PARM1: variants seen among roughly 807,000 people sequenced by gnomAD.
PARM1 encodes the protein prostate androgen-regulated mucin-like protein 1.
A neutral mutation model predicts 24.6 loss-of-function variants in PARM1; 14 were observed. That is an observed-to-expected ratio of 0.57 (90% CI 0.38 to 0.89). The LOEUF (loss-of-function observed/expected upper bound fraction) is 0.89, where lower values mean the gene tolerates loss of function less well. PARM1 is among the 40% of genes least tolerant of loss of function. The pLI is 0.00. For synonymous variants in PARM1, 179 were observed against 156.6 expected (o/e 1.14, Z -1.07); for missense variants, 362 against 380.4 (o/e 0.95, Z 0.40).
Position 75,040,877 on chromosome 4 carries a change from G to A in PARM1, c.849-5286G>A, listed in dbSNP as rs150586564. 2.8e-3 allele frequency among the ~76,000 whole-genome samples: 422 copies of A among 152,068 alleles called. 2 individuals carry two copies. The highest frequency in any genetic ancestry group is 7.8e-3 in the Admixed American group (119 of 15,264). ...TCCCTCTGTCTACACGGTATCCCTC[G>A]GTTATCCACATGGCTCATCCGTCAT... is the stretch of plus-strand genomic sequence containing the variant. On this transcript the variant is annotated intron_variant, in intron 3 of 3. Transcript: ENST00000307428.
At chr4:75,034,846 C>T (rs1189752464) in intron 3 of PARM1, 1 of 152,448 alleles carries the variant, frequency 6.6e-6, no homozygotes, top group Non-Finnish European at 1.5e-5. Flanking sequence ...CCTGTCATTC[C>T]CTTCCTGAAA....
Position 75,048,799 on chromosome 4 carries a change from C to G in PARM1, c.*2552C>G, listed in dbSNP as rs911495455. The stretch of plus-strand genomic sequence containing the variant: ...AGAGCAGATATATTCAGCAAGGTGA[C>G]AGCTTCCCATAACAATTCTAACACT... On this transcript the variant is annotated 3_prime_UTR_variant, in exon 4 of 4. Transcript: ENST00000307428. 6.6e-6 allele frequency: 1 copy of G among 152,600 alleles called. No individual in the cohort carries two copies. The highest frequency in any genetic ancestry group is 2.4e-5 in the African/African-American group (1 of 41,440). The allele number at this position is 152,600 out of a possible 1,614,324, so 9.5% of individuals were successfully genotyped here.
In PARM1 at chr4:74,951,669, G is replaced by A. The variant is rs1415195349; in HGVS notation, c.43+18299G>A. 3.3e-5 allele frequency among the ~76,000 whole-genome samples: 5 copies of A among 152,048 alleles called. No individual in the cohort carries two copies. The East Asian group carries it at 5.8e-4, about 18-fold the overall frequency. On this transcript the variant is annotated intron_variant, in intron 1 of 3. Coordinates refer to ENST00000307428, the MANE Select transcript of PARM1 (RefSeq NM_015393.4). Reference sequence around the variant, plus strand: ...TTCTTATTGTTCAACTCCCACTTACGAGTGAGAATACGCGGTGTTTGGTTT... The same window carrying A: ...TTCTTATTGTTCAACTCCCACTTACAAGTGAGAATACGCGGTGTTTGGTTT...
intron 1 of PARM1, among the ~76,000 whole-genome samples, chr4:74,950,431 T>A (rs982956677): frequency 6.6e-6 from 1 of 152,118 alleles, no homozygotes; most frequent in African/African-American, 2.4e-5. Flanking sequence ...TTCCTCTGAG[T>A]CACTCTGTGT....
intron 1 of PARM1, among the ~76,000 whole-genome samples, chr4:74,939,280 G>C (rs1345531808): frequency 3.3e-5 from 5 of 152,092 alleles, no homozygotes; most frequent in Non-Finnish European, 7.4e-5. Context: ...TTTAAGAGCA[G>C]CTCTCTGGGT....
chr4:75,043,836 G>C (rs1336278686), intron 3 of PARM1, among the ~76,000 whole-genome samples: 1 of 152,118 alleles, frequency 6.6e-6, no homozygotes, highest in Non-Finnish European at 1.5e-5. Context: ...ATAGATCAAA[G>C]AAGCAGTGGT....
chr4:74,937,628 T>C (rs899823016), intron 1 of PARM1, among the ~76,000 whole-genome samples: 3 of 152,204 alleles, frequency 2.0e-5, no homozygotes, highest in African/African-American at 7.2e-5. Context: ...AGGTATACAG[T>C]GCTGGAGACA....
chr4:75,033,874 C>A lies in PARM1; in HGVS notation c.770-9C>A. On this transcript the variant is annotated splice_polypyrimidine_tract_variant and intron_variant, in intron 2 of 3. Coordinates refer to ENST00000307428, the MANE Select transcript of PARM1 (RefSeq NM_015393.4). The stretch of plus-strand genomic sequence containing the variant: ...GTATCTTCTTTTCTGTGCCCTTCCT[C>A]CTTCACAGGCAGCATCGCCGCCATT... 1 of 1,591,666 alleles carries A rather than the reference C, an allele frequency of 6.3e-7. No homozygotes were observed. Among genetic ancestry groups the A allele is most frequent in the African/African-American group, 1.3e-5 (1 of 74,612 alleles).
chr4:74,933,160 G>C lies in PARM1; in HGVS notation c.-168G>C, dbSNP rs1721101295. ...GAGGGCACGCAGCTGACGGAGCTGC[G>C]CTGCGTTCGCCTCGTTTGCCTCGCG... On this transcript the variant is annotated 5_prime_UTR_variant, in exon 1 of 4. Transcript: ENST00000307428. 4 of 587,164 alleles carry C rather than the reference G, an allele frequency of 6.8e-6. No individual in the cohort carries two copies. Among genetic ancestry groups the C allele is most frequent in the South Asian group, 4.1e-5 (2 of 49,328 alleles). 36.4% of individuals were successfully genotyped at this position (587,164 alleles called of 1,614,324 possible).
At chr4:74,933,483 G>C (rs1283787183) in intron 1 of PARM1, 113 bp downstream of exon 1, 1 of 882,572 alleles carries the variant, frequency 1.1e-6, no homozygotes, top group Non-Finnish European at 1.9e-6. Context: ...GCGCCTCCGG[G>C]TGAGTGCGCA....
At chr4:75,017,098 A>C (rs540902920) in intron 2 of PARM1, among the ~76,000 whole-genome samples, 2 of 152,104 alleles carry the variant, frequency 1.3e-5, no homozygotes, top group East Asian at 1.9e-4. Flanking sequence ...TATCCTGTCC[A>C]TGAGATCTGG....
rs185480423 is a variant in PARM1, at chr4:75,025,950, A to T, written c.770-7933A>T. 2.0e-5 allele frequency among the ~76,000 whole-genome samples: 3 copies of T among 152,334 alleles called. No homozygotes were observed. The East Asian group carries it at 5.8e-4, about 29-fold the overall frequency. ...GAGGTAAAACATTCCAGCCGTGATA[A>T]TACTTGGCTAATTTTTATAAAGTTT... On this transcript the variant is annotated intron_variant, in intron 2 of 3. Transcript: ENST00000307428.
At chr4:74,939,218 T>A (rs1014330837) in intron 1 of PARM1, among the ~76,000 whole-genome samples, 1 of 152,228 alleles carries the variant, frequency 6.6e-6, no homozygotes, top group Non-Finnish European at 1.5e-5. Flanking sequence ...GGGGCTTTAG[T>A]TACCCTGCAC....
Position 75,013,879 on chromosome 4 carries a change from G to T in PARM1, c.769+729G>T, listed in dbSNP as rs189367638. The stretch of plus-strand genomic sequence containing the variant: ...AAATTATGGTGGAGAGAAATCAAGG[G>T]CCCTTTCTGAGGTCACCTGCATCTG... On this transcript the variant is annotated intron_variant, in intron 2 of 3. Coordinates refer to ENST00000307428, the MANE Select transcript of PARM1 (RefSeq NM_015393.4). 3.9e-3 allele frequency among the ~76,000 whole-genome samples: 588 copies of T among 152,230 alleles called. 3 individuals are homozygous for T. Among genetic ancestry groups the T allele is most frequent in the Non-Finnish European group, 6.8e-3 (462 of 67,998 alleles).
At chr4:75,025,466 T>G (rs1164518873) in intron 2 of PARM1, among the ~76,000 whole-genome samples, 2 of 152,234 alleles carry the variant, frequency 1.3e-5, no homozygotes, top group African/African-American at 2.4e-5. Context: ...TTGAACAATC[T>G]GAACACACAG....
intron 3 of PARM1, among the ~76,000 whole-genome samples, chr4:75,040,657 T>G (rs1004676197): frequency 6.6e-6 from 1 of 152,246 alleles, no homozygotes; most frequent in East Asian, 1.9e-4. Context: ...TTTTGACAAA[T>G]GTACCACAAT....
chr4:74,981,011 A>T (rs1437520539), intron 1 of PARM1, among the ~76,000 whole-genome samples: 2 of 152,232 alleles, frequency 1.3e-5, no homozygotes, highest in Non-Finnish European at 2.9e-5. Flanking sequence ...TAAACACCTT[A>T]GAAGAAAGTC....
At chr4:75,030,415 A>G (rs910165334) in intron 2 of PARM1, among the ~76,000 whole-genome samples, 2 of 152,144 alleles carry the variant, frequency 1.3e-5, no homozygotes, top group Admixed American at 1.3e-4. Flanking sequence ...GCCCAAAGTA[A>G]TCATCTGCAA....
chr4:74,946,520 G>A (rs1560771993), intron 1 of PARM1, among the ~76,000 whole-genome samples: 3 of 152,216 alleles, frequency 2.0e-5, no homozygotes, highest in Non-Finnish European at 4.4e-5. Flanking sequence ...ACTATGGTTT[G>A]TAAATTTTAC....
Sources: allele counts gnomAD v4.1 joint callset (sites outside exome capture counted in the v4.1 genomes callset), GRCh38; gene constraint gnomAD v4.1.1; transcripts MANE v1.5; gene names NCBI Gene and HGNC (gene_info 2026-07-23, HGNC 2026-07-21).